The following ZNF385D variants were observed in gnomAD, a reference collection of about 807,000 sequenced individuals.
The protein encoded by ZNF385D is zinc finger protein 385D.
ZNF385D carries 15 observed loss-of-function variants against 35.8 expected under a neutral mutation model. That is an observed-to-expected ratio of 0.42 (90% CI 0.28 to 0.64). ZNF385D has a LOEUF of 0.64. Ranked by LOEUF, ZNF385D falls within the 30% of genes least tolerant of loss-of-function variation. ZNF385D has a pLI of 0.23. For missense variants in ZNF385D, 474 were observed against 494.6 expected (o/e 0.96, Z 0.39); for synonymous variants, 212 against 186.8 (o/e 1.13, Z -1.10).
At chr3:21,474,037 A>G (rs555407499) in intron 4 of ZNF385D, among the ~76,000 whole-genome samples, 6 of 151,532 alleles carry the variant, frequency 4.0e-5, no homozygotes, top group South Asian at 4.1e-4. Context: ...TGTATCTTAT[A>G]TATTATAAGT....
chr3:22,046,458 G>T (rs1029369352), intron 3 of ZNF385D, among the ~76,000 whole-genome samples: 2 of 152,030 alleles, frequency 1.3e-5, no homozygotes, highest in African/African-American at 4.8e-5. Context: ...TTGTTTTGCT[G>T]ATATTTAATC....
chr3:21,719,785 C>T (rs1210731608), intron 1 of ZNF385D, among the ~76,000 whole-genome samples: 1 of 152,176 alleles, frequency 6.6e-6, no homozygotes, highest in African/African-American at 2.4e-5. Flanking sequence ...ACAAAATATT[C>T]TTTTTCCCCT....
intron 2 of ZNF385D, among the ~76,000 whole-genome samples, chr3:22,317,247 C>G (rs1703940869): frequency 8.2e-6 from 1 of 121,268 alleles, no homozygotes; most frequent in Admixed American, 1.1e-4. Context: ...ATTGCACACT[C>G]CAGCCTGGGA....
At chr3:21,474,395 G>C (rs3860576) in intron 4 of ZNF385D, among the ~76,000 whole-genome samples, 32,257 of 152,038 alleles carry the variant, frequency 0.21, 3,636 homozygotes, top group Middle Eastern at 0.32. Flanking sequence ...TGGACAATGA[G>C]TAGGTGCCCC....
In ZNF385D at chr3:21,726,235, A is replaced by T. The variant is rs145495695; in HGVS notation, c.22+24660T>A. ...CAGCCAATATCATACCGAATGGGCA[A>T]AAACTGGAAGCATTCCCTTTGAAAA... On this transcript the variant is annotated intron_variant, in intron 1 of 7. Transcript: ENST00000281523. 5.1e-3 allele frequency among the ~76,000 whole-genome samples: 780 copies of T among 152,308 alleles called. 9 individuals carry two copies. Among genetic ancestry groups the T allele is most frequent in the African/African-American group, 0.018 (748 of 41,562 alleles).
intron 3 of ZNF385D, among the ~76,000 whole-genome samples, chr3:21,913,665 G>T (rs1291594533): frequency 6.6e-6 from 1 of 151,986 alleles, no homozygotes; most frequent in East Asian, 1.9e-4. Context: ...TTATACAAAG[G>T]TTACTGTGTT....
chr3:21,482,077 T>C (rs1314641403), intron 4 of ZNF385D, among the ~76,000 whole-genome samples: 1 of 152,180 alleles, frequency 6.6e-6, no homozygotes, highest in Non-Finnish European at 1.5e-5. Flanking sequence ...AGGACAGAAC[T>C]GAGTCCAATG....
chr3:21,753,601 T>C (rs1288655199), upstream of ZNF385D, among the ~76,000 whole-genome samples: 1 of 152,222 alleles, frequency 6.6e-6, no homozygotes, highest in African/African-American at 2.4e-5. Context: ...TGTGCCCCTC[T>C]TCCCTGCAAT....
rs995473216 is a variant in ZNF385D at position 22,085,384 on chromosome 3, T to C, written c.325+83433A>G. ...ATCAAATAGATGCAATAAAAACTGA[T>C]AAAGGCGATATCACCACCGATCCCA... On this transcript the variant is annotated intron_variant, in intron 3 of 5. Transcript: ENST00000494108. Among the ~76,000 whole-genome samples the C allele has an allele frequency of 2.0e-5, 3 of 152,048 alleles. No homozygotes were observed. The East Asian group carries it at 5.8e-4, about 29-fold the overall frequency.
intron 4 of ZNF385D, among the ~76,000 whole-genome samples, chr3:21,501,420 G>A (rs1041486212): frequency 2.0e-5 from 3 of 152,224 alleles, no homozygotes; most frequent in Admixed American, 6.5e-5. Context: ...AAAAATGCAA[G>A]TGTAATTCTT....
chr3:22,097,742 C>T (rs1701708184), intron 3 of ZNF385D, among the ~76,000 whole-genome samples: 1 of 152,012 alleles, frequency 6.6e-6, no homozygotes, highest in African/African-American at 2.4e-5. Context: ...CAGCAGCAGG[C>T]AGACTTGACA....
chr3:21,831,828 A>G (rs933222156), intron 3 of ZNF385D, among the ~76,000 whole-genome samples: 1 of 152,168 alleles, frequency 6.6e-6, no homozygotes, highest in Non-Finnish European at 1.5e-5. Flanking sequence ...TATTTTGGCT[A>G]TTTTATCTTT....
rs764969697 is a variant in ZNF385D, at chr3:22,158,635, A to G, written c.325+10182T>C. Among the ~76,000 whole-genome samples the G allele has an allele frequency of 2.0e-4, 31 of 151,880 alleles. 1 individual carries two copies. Among genetic ancestry groups the G allele is most frequent in the Non-Finnish European group, 4.4e-4 (30 of 67,896 alleles). ...CTCAAAATTAATATTTAAGGAAACT[A>G]TTTAGTGAATTGAATCTGTAATACC... is the stretch of plus-strand genomic sequence containing the variant. On this transcript the variant is annotated intron_variant, in intron 3 of 5. Transcript: ENST00000494108.
At chr3:21,826,179 G>A (rs1302549129) in intron 3 of ZNF385D, among the ~76,000 whole-genome samples, 3 of 152,152 alleles carry the variant, frequency 2.0e-5, no homozygotes. Flanking sequence ...AGGAGCAAAC[G>A]AAGCTGGGAA....
In ZNF385D at chr3:21,419,340, G is replaced by C. The variant is rs1700643126; in HGVS notation, c.*1874C>G. 6.6e-6 allele frequency: 1 copy of C among 151,920 alleles called. No individual in the cohort carries two copies. The highest frequency in any genetic ancestry group is 1.5e-5 in the Non-Finnish European group (1 of 67,976). 9.4% of individuals were successfully genotyped at this position (151,920 alleles called of 1,614,324 possible). On this transcript the variant is annotated 3_prime_UTR_variant, in exon 8 of 8. Coordinates refer to ENST00000281523, the MANE Select transcript of ZNF385D (RefSeq NM_024697.3). Reference sequence around the variant, plus strand: ...GACAAATTTCTATAGCTAGATGGTGGAGAAGAACTCCAAAAAACCATGTTT... The same window carrying C: ...GACAAATTTCTATAGCTAGATGGTGCAGAAGAACTCCAAAAAACCATGTTT...
At position 21,849,144 on chromosome 3, in the gene ZNF385D, C is replaced by A. The variant is rs1696208791; in HGVS notation, c.326-184116G>T. Among the ~76,000 whole-genome samples the A allele has an allele frequency of 2.0e-5, 3 of 152,038 alleles. No homozygotes were observed. The South Asian group carries it at 6.2e-4, about 31-fold the overall frequency. Reference sequence around the variant, plus strand: ...ATACACATGCATGTAACTGTCACATCCCCTTTCTAATTCAACGCATTTTAC... The same window carrying A: ...ATACACATGCATGTAACTGTCACATACCCTTTCTAATTCAACGCATTTTAC... On this transcript the variant is annotated intron_variant, in intron 3 of 5. Transcript: ENST00000494108.
At chr3:21,974,071 C>T (rs897713355) in intron 3 of ZNF385D, among the ~76,000 whole-genome samples, 1 of 151,686 alleles carries the variant, frequency 6.6e-6, no homozygotes, top group Non-Finnish European at 1.5e-5. Context: ...AAAACATAAT[C>T]CTAAAATGTA....
chr3:21,506,628 G>T (rs1706793816), intron 4 of ZNF385D, among the ~76,000 whole-genome samples: 1 of 152,054 alleles, frequency 6.6e-6, no homozygotes, highest in Non-Finnish European at 1.5e-5. Flanking sequence ...AAAAAACTTG[G>T]TATTTAAAAA....
intron 2 of ZNF385D, among the ~76,000 whole-genome samples, chr3:22,297,496 C>G (rs1290312990): frequency 2.0e-5 from 3 of 151,960 alleles, no homozygotes; most frequent in Non-Finnish European, 4.4e-5. Context: ...AACTTTTTAC[C>G]TTATAGAGAG....
Sources: gnomAD v4.1 joint callset for allele counts (sites outside exome capture counted in the v4.1 genomes callset) on GRCh38, gnomAD v4.1.1 for gene constraint, MANE v1.5 for transcripts, NCBI Gene and HGNC (gene_info 2026-07-23, HGNC 2026-07-21) for gene names.